The following FSTL5 variants were observed in gnomAD, a reference collection of about 807,000 sequenced individuals.
The protein encoded by FSTL5 is follistatin like 5.
Under a neutral mutation model 89.1 loss-of-function variants are expected in FSTL5, and 62 were observed. That is an observed-to-expected ratio of 0.70 (90% CI 0.57 to 0.86). The LOEUF is 0.86. Among genes scored for constraint, FSTL5 ranks in the 40% least tolerant of loss-of-function variants. The probability of loss-of-function intolerance (pLI) is 0.00; values close to 1 mark genes in which losing one functional copy is unlikely to be tolerated. For synonymous variants in FSTL5, 383 were observed against 346.2 expected (o/e 1.11, Z -1.18); for missense variants, 1,057 against 1,001.6 (o/e 1.06, Z -0.75).
At chr4:162,092,091 G>C (rs1441129819) in intron 2 of FSTL5, among the ~76,000 whole-genome samples, 1 of 151,656 alleles carries the variant, frequency 6.6e-6, no homozygotes, top group African/African-American at 2.4e-5. Flanking sequence ...TCAATCCTAA[G>C]GTACATTAAT....
At chr4:162,023,663 A>T (rs1737178184) in intron 3 of FSTL5, among the ~76,000 whole-genome samples, 1 of 152,216 alleles carries the variant, frequency 6.6e-6, no homozygotes, top group Admixed American at 6.5e-5. Flanking sequence ...GCACTATTTA[A>T]GTAAAAGAGA....
chr4:161,645,362 C>T (rs933997163), intron 7 of FSTL5, among the ~76,000 whole-genome samples: 21 of 151,082 alleles, frequency 1.4e-4, no homozygotes, highest in African/African-American at 5.1e-4. Context: ...TACACAAACT[C>T]CTTTGTAAAT....
At chr4:161,813,748 CTTAA>C (rs143645046) in intron 4 of FSTL5, among the ~76,000 whole-genome samples, 8,602 of 152,082 alleles carry the variant, frequency 0.057, 290 homozygotes, top group Middle Eastern at 0.13. Context: ...ATAGCATATT[CTTAA>C]TTGTTTATTT....
At chr4:161,428,792 C>T (rs1458251944) in intron 15 of FSTL5, among the ~76,000 whole-genome samples, 1 of 152,140 alleles carries the variant, frequency 6.6e-6, no homozygotes. Flanking sequence ...TGACGAAGCA[C>T]ATTCCCAGCT....
chr4:161,865,790 T>TA (rs5863492), intron 4 of FSTL5, among the ~76,000 whole-genome samples: 2 of 152,044 alleles, frequency 1.3e-5, no homozygotes, highest in African/African-American at 2.4e-5. Context: ...AGAATAGCAA[T>TA]AAAAAAACTT....
At chr4:161,930,133 G>C (rs1326344773) in intron 3 of FSTL5, among the ~76,000 whole-genome samples, 1 of 151,806 alleles carries the variant, frequency 6.6e-6, no homozygotes, top group Non-Finnish European at 1.5e-5. Flanking sequence ...AAGGCACTGT[G>C]TTTGTAGCAT....
At chr4:161,817,046 A>G (rs1579113456) in intron 4 of FSTL5, among the ~76,000 whole-genome samples, 1 of 152,338 alleles carries the variant, frequency 6.6e-6, no homozygotes, top group Admixed American at 6.5e-5. Flanking sequence ...AAGCAAATTG[A>G]CATATCACAT....
At chr4:161,832,717 G>A (rs1290978978) in intron 4 of FSTL5, among the ~76,000 whole-genome samples, 5 of 151,914 alleles carry the variant, frequency 3.3e-5, no homozygotes, top group Non-Finnish European at 7.4e-5. Flanking sequence ...CTGTGGGATC[G>A]GTGGTGATAT....
intron 3 of FSTL5, among the ~76,000 whole-genome samples, chr4:161,948,783 T>G (rs187586174): frequency 2.0e-4 from 31 of 151,804 alleles, no homozygotes; most frequent in African/African-American, 5.8e-4. Context: ...TTTGTATTCA[T>G]GTATAATGTA....
chr4:161,868,099 A>T (rs1579154975), intron 4 of FSTL5, among the ~76,000 whole-genome samples: 1 of 151,506 alleles, frequency 6.6e-6, no homozygotes, highest in African/African-American at 2.4e-5. Context: ...TTAATTAAAT[A>T]TGTAAATGTT....
At chr4:162,146,687 TCCCTTCCCTTCCCTTCCCTTCCCCTTC>T (rs1733003065) in intron 1 of FSTL5, among the ~76,000 whole-genome samples, 1 of 84,740 alleles carries the variant, frequency 1.2e-5, no homozygotes, top group Non-Finnish European at 2.7e-5. Context: ...TCCCTTCCCT[TCCCTTCCCTTCCCTTCCCTTCCCCTTC>T]CCCTTCCCCT....
intron 6 of FSTL5, among the ~76,000 whole-genome samples, chr4:161,758,297 T>C (rs1294571685): frequency 6.6e-6 from 1 of 152,126 alleles, no homozygotes; most frequent in Non-Finnish European, 1.5e-5. Context: ...AAGACCTTTT[T>C]ACACAAGTAC....
intron 3 of FSTL5, among the ~76,000 whole-genome samples, chr4:161,977,612 C>CAAAAAAAAAAAAAAAAAAAAAAAAAAA (rs796909244): frequency 1.1e-5 from 1 of 95,140 alleles, no homozygotes; most frequent in Non-Finnish European, 2.1e-5. Context: ...GACTCCGTGT[C>CAAAAAAAAAAAAAAAAAAAAAAAAAAA]AAAAAAAAAA....
At chr4:161,633,349 T>C (rs1404955780) in intron 7 of FSTL5, among the ~76,000 whole-genome samples, 2 of 149,874 alleles carry the variant, frequency 1.3e-5, no homozygotes, top group East Asian at 2.0e-4. Flanking sequence ...TTAGGGTACA[T>C]GTGCACAACG....
intron 2 of FSTL5, among the ~76,000 whole-genome samples, chr4:162,047,977 AT>A (rs1738250657): frequency 6.6e-6 from 1 of 152,112 alleles, no homozygotes; most frequent in Non-Finnish European, 1.5e-5. Flanking sequence ...AATCAGCCTA[AT>A]TTTAACCAAA....
At chr4:161,742,351 T>C (rs1740057397) in intron 6 of FSTL5, among the ~76,000 whole-genome samples, 1 of 152,152 alleles carries the variant, frequency 6.6e-6, no homozygotes, top group Non-Finnish European at 1.5e-5. Flanking sequence ...CATTATTATC[T>C]AGAAATGATG....
chr4:162,000,876 GAGA>G (rs945155124), intron 3 of FSTL5, among the ~76,000 whole-genome samples: 4 of 152,110 alleles, frequency 2.6e-5, no homozygotes, highest in African/African-American at 9.7e-5. Context: ...AAATGGGAGA[GAGA>G]AGAAGGGATG....
intron 4 of FSTL5, among the ~76,000 whole-genome samples, chr4:161,884,970 A>C (rs1579167635): frequency 6.6e-6 from 1 of 152,210 alleles, no homozygotes; most frequent in Non-Finnish European, 1.5e-5. Context: ...AATAGTTCCT[A>C]TTATTGACAG....
rs1734739010 is a variant in FSTL5, at chr4:161,946,539, T to C, written c.161-25887A>G. Among the ~76,000 whole-genome samples, 5 of 152,182 alleles carry C rather than the reference T, an allele frequency of 3.3e-5. No individual in the cohort carries two copies. The South Asian group carries it at 1.0e-3, about 31-fold the overall frequency. ...TGTATTTTTTTGTGCCTGTCACCTTTCATTCAACATCATGTGACTAGCAAT... is the reference window on the plus strand; with the variant it reads ...TGTATTTTTTTGTGCCTGTCACCTTCCATTCAACATCATGTGACTAGCAAT... On this transcript the variant is annotated intron_variant, in intron 3 of 15. Coordinates refer to ENST00000306100, the MANE Select transcript of FSTL5 (RefSeq NM_020116.5).
Sources: gnomAD v4.1 joint callset for allele counts (sites outside exome capture counted in the v4.1 genomes callset) on GRCh38, gnomAD v4.1.1 for gene constraint, MANE v1.5 for transcripts, NCBI Gene and HGNC (gene_info 2026-07-23, HGNC 2026-07-21) for gene names.